Variants in PLEKHA5 observed in about 807,000 individuals in gnomAD.
PLEKHA5 encodes the protein pleckstrin homology domain containing A5, also known as pleckstrin homology domain-containing family A member 5.
Under a neutral mutation model 181.9 loss-of-function variants are expected in PLEKHA5, and 55 were observed. The ratio of observed to expected loss-of-function variants is 0.30; its 90% CI spans 0.24 to 0.38. PLEKHA5 has a LOEUF of 0.38. PLEKHA5 is among the 10% of genes least tolerant of loss of function. PLEKHA5 has a pLI of 1.00. For synonymous variants in PLEKHA5, 535 were observed against 529.4 expected (o/e 1.01, Z -0.15); for missense variants, 1,432 against 1,549.5 (o/e 0.92, Z 1.27).
intron 3 of PLEKHA5, among the ~76,000 whole-genome samples, 182 bp from the exon 4 acceptor site, chr12:19,253,758 T>G (rs908262888): frequency 9.9e-5 from 15 of 151,840 alleles, no homozygotes; most frequent in Non-Finnish European, 1.5e-4. Flanking sequence ...AGGCAGAGGT[T>G]GTAGTAAGCC....
Position 19,238,802 on chromosome 12 carries a change from A to C in PLEKHA5, c.228-15138A>C, listed in dbSNP as rs77845435. On this transcript the variant is annotated intron_variant, in intron 3 of 31. Coordinates refer to ENST00000429027, the MANE Select transcript of PLEKHA5 (RefSeq NM_001256470.2). ...TGAACAGGAAATTAAATCTGGCCAA[A>C]AAAAAAAAAAAAAAAAAAGGAAGAG... 1.1e-4 allele frequency among the ~76,000 whole-genome samples: 3 copies of C among 26,122 alleles called. No individual in the cohort carries two copies. The Non-Finnish European group carries it at 1.3e-3, about 11-fold the overall frequency. 17.1% of individuals were successfully genotyped at this position (26,122 alleles called of 152,430 possible).
At chr12:19,259,229 G>A (rs189793827) in intron 6 of PLEKHA5, among the ~76,000 whole-genome samples, 43 of 151,890 alleles carry the variant, frequency 2.8e-4, no homozygotes, top group Admixed American at 2.2e-3. Flanking sequence ...TTAACCTGGT[G>A]TGGTGGTGTG....
At chr12:19,357,971 T>C (rs973745229) in intron 26 of PLEKHA5, among the ~76,000 whole-genome samples, 4 of 152,062 alleles carry the variant, frequency 2.6e-5, no homozygotes, top group Non-Finnish European at 5.9e-5. Flanking sequence ...AAAAATATTT[T>C]CTATTCCTCT....
chr12:19,292,721 C>G (rs958260215), intron 15 of PLEKHA5, among the ~76,000 whole-genome samples: 1 of 152,026 alleles, frequency 6.6e-6, no homozygotes, highest in African/African-American at 2.4e-5. Context: ...GGTGGATCAC[C>G]TAAGGTCAGG....
At chr12:19,164,370 T>C (rs957522003) in intron 3 of PLEKHA5, among the ~76,000 whole-genome samples, 3 of 151,924 alleles carry the variant, frequency 2.0e-5, no homozygotes, top group Admixed American at 6.6e-5. Context: ...AATTTTTGTA[T>C]TTTTAGTAGA....
At chr12:19,239,248 C>A (rs150625648) in intron 3 of PLEKHA5, among the ~76,000 whole-genome samples, 6 of 152,160 alleles carry the variant, frequency 3.9e-5, no homozygotes, top group African/African-American at 9.7e-5. Context: ...AGTTAACTAG[C>A]CTGTTGATAG....
At chr12:19,357,345 A>G (rs1316903353) in intron 26 of PLEKHA5, among the ~76,000 whole-genome samples, 2 of 151,022 alleles carry the variant, frequency 1.3e-5, no homozygotes, top group African/African-American at 4.9e-5. Context: ...CCTGGGTTCA[A>G]GCAATTCTCC....
chr12:19,209,034 A>G (rs2056351070), intron 3 of PLEKHA5, among the ~76,000 whole-genome samples: 1 of 152,172 alleles, frequency 6.6e-6, no homozygotes, highest in African/African-American at 2.4e-5. Flanking sequence ...AAAACTATGC[A>G]TGGATTTAAT....
At chr12:19,231,669 TC>T (rs1393670252) in intron 3 of PLEKHA5, among the ~76,000 whole-genome samples, 2 of 150,528 alleles carry the variant, frequency 1.3e-5, no homozygotes, top group Non-Finnish European at 3.0e-5. Context: ...TTCATATTCA[TC>T]AACGTGTTCT....
chr12:19,269,994 A>G (rs1592269849), intron 9 of PLEKHA5, 109 bp downstream of exon 9: 1 of 670,570 alleles, frequency 1.5e-6, no homozygotes, highest in Non-Finnish European at 2.5e-6. Flanking sequence ...ATGGTATGAA[A>G]TCATTTTTTC....
intron 3 of PLEKHA5, among the ~76,000 whole-genome samples, chr12:19,184,562 CT>C (rs1464043532): frequency 6.6e-6 from 1 of 152,154 alleles, no homozygotes; most frequent in Non-Finnish European, 1.5e-5. Context: ...AAGCATACCC[CT>C]GTCTTGTGAA....
chr12:19,305,882 A>AC (rs1555155264), intron 15 of PLEKHA5, among the ~76,000 whole-genome samples: 5 of 149,280 alleles, frequency 3.3e-5, no homozygotes, highest in African/African-American at 1.2e-4. Context: ...AAAAAAAAAA[A>AC]AACAACTATG....
intron 4 of PLEKHA5, 125 bp from the exon 5 acceptor site, chr12:19,254,920 C>T: frequency 1.3e-6 from 1 of 758,460 alleles, no homozygotes; most frequent in Non-Finnish European, 2.0e-6. Flanking sequence ...AGGCCTGACT[C>T]TAGAGTAACT....
chr12:19,163,813 ACCT>A (rs1265401486), intron 3 of PLEKHA5, among the ~76,000 whole-genome samples: 1 of 151,980 alleles, frequency 6.6e-6, no homozygotes, highest in Non-Finnish European at 1.5e-5. Context: ...ATGGCCCCTA[ACCT>A]CCTAACCACC....
chr12:19,164,475 G>A (rs1407837520), intron 3 of PLEKHA5, among the ~76,000 whole-genome samples: 2 of 152,144 alleles, frequency 1.3e-5, no homozygotes, highest in Admixed American at 6.5e-5. Context: ...GATTACAGGC[G>A]TGAGCCACTG....
At chr12:19,349,270 C>T (rs1371266025) in intron 25 of PLEKHA5, among the ~76,000 whole-genome samples, 2 of 151,978 alleles carry the variant, frequency 1.3e-5, no homozygotes, top group Admixed American at 1.3e-4. Flanking sequence ...CACACACCAC[C>T]ATACCCAACT....
At chr12:19,295,930 CTT>C (rs2079639700) in intron 15 of PLEKHA5, among the ~76,000 whole-genome samples, 1 of 152,200 alleles carries the variant, frequency 6.6e-6, no homozygotes, top group African/African-American at 2.4e-5. Context: ...GAAAATATCT[CTT>C]TTAAAAATGT....
intron 16 of PLEKHA5, among the ~76,000 whole-genome samples, chr12:19,315,554 A>G (rs1359088325): frequency 6.6e-6 from 1 of 152,132 alleles, no homozygotes; most frequent in Non-Finnish European, 1.5e-5. Flanking sequence ...TCTGCAAAAG[A>G]AGTCATATGT....
intron 6 of PLEKHA5, 49 bp downstream of exon 6, chr12:19,257,586 CT>C (rs1441767781): frequency 1.0e-6 from 1 of 954,620 alleles, no homozygotes; most frequent in Non-Finnish European, 1.7e-6. Flanking sequence ...TAGAAGGAAC[CT>C]TTTAAACTGA....
Sources: gnomAD v4.1 joint callset for allele counts (sites outside exome capture counted in the v4.1 genomes callset) on GRCh38, gnomAD v4.1.1 for gene constraint, MANE v1.5 for transcripts, NCBI Gene and HGNC (gene_info 2026-07-23, HGNC 2026-07-21) for gene names.